Variants in OR7C1 observed in about 807,000 individuals in gnomAD.
OR7C1 encodes the protein olfactory receptor family 7 subfamily C member 1.
For missense variants in OR7C1, 324 were observed against 383.3 expected, an observed-to-expected ratio of 0.85 and a Z score of 1.29; for synonymous variants, 152 against 160.7, an observed-to-expected ratio of 0.95 and a Z score of 0.41.
chr19:14,819,701 A>G (rs971862720), intron 1 of OR7C1, among the ~76,000 whole-genome samples: 1 of 152,184 alleles, frequency 6.6e-6, no homozygotes, highest in African/African-American at 2.4e-5. Context: ...TTCTTCATGT[A>G]AGCATATTTT....
At chr19:14,804,634 A>C (rs1243021814) in intron 2 of OR7C1, among the ~76,000 whole-genome samples, 2 of 152,032 alleles carry the variant, frequency 1.3e-5, no homozygotes, top group Non-Finnish European at 2.9e-5. Context: ...AATCTCATTT[A>C]CATGAAATAG....
At chr19:14,825,992 C>T (rs1186035510) in intron 1 of OR7C1, 2 of 151,932 alleles carry the variant, frequency 1.3e-5, no homozygotes, top group African/African-American at 4.8e-5. Context: ...TTCATGATTC[C>T]CTGGATACTC....
chr19:14,807,438 A>T (rs899962611), intron 2 of OR7C1, among the ~76,000 whole-genome samples: 2 of 151,932 alleles, frequency 1.3e-5, no homozygotes, highest in Non-Finnish European at 2.9e-5. Context: ...ATTTGATGGG[A>T]ATCCTGGAAT....
intron 1 of OR7C1, among the ~76,000 whole-genome samples, chr19:14,823,862 T>C (rs575397504): frequency 6.6e-6 from 1 of 152,140 alleles, no homozygotes; most frequent in South Asian, 2.1e-4. Context: ...TATCCAGTTT[T>C]CCCAGCACCG....
At chr19:14,802,620 T>C (rs2044647373) in intron 2 of OR7C1, among the ~76,000 whole-genome samples, 1 of 152,230 alleles carries the variant, frequency 6.6e-6, no homozygotes, top group East Asian at 1.9e-4. Context: ...TCAAAGGAGA[T>C]TGTTGAAAAC....
rs34756526 is a variant in OR7C1, at chr19:14,810,372, G to GTTT, written c.-622-382_-622-380dup. ...CCCTAACCACATTCAACCAAAATGA[G>GTTT]TTTTTTTTTTTTGTTTTTTGTTTTT... On this transcript the variant is annotated intron_variant, in intron 1 of 4. Coordinates refer to ENST00000641666, the Ensembl canonical transcript of OR7C1. Among the ~76,000 whole-genome samples the GTTT allele has an allele frequency of 4.0e-3, 453 of 112,466 alleles. 15 individuals carry two copies. The highest frequency in any genetic ancestry group is 0.019 in the African/African-American group (422 of 22,104). 73.8% of individuals were successfully genotyped at this position (112,466 alleles called of 152,430 possible). A position where few individuals can be genotyped will look rare whatever the true frequency, so the allele number is the denominator to read the frequency against.
intron 1 of OR7C1, among the ~76,000 whole-genome samples, chr19:14,810,711 G>A (rs770829556): frequency 6.6e-6 from 1 of 151,794 alleles, no homozygotes; most frequent in African/African-American, 2.4e-5. Context: ...CTGCAGCTTT[G>A]TCCTGGCTTC....
chr19:14,832,607 AAT>A (rs1442000028), intron 1 of OR7C1, among the ~76,000 whole-genome samples: 1 of 150,852 alleles, frequency 6.6e-6, no homozygotes, highest in African/African-American at 2.4e-5. Flanking sequence ...TTGTATTTTT[AAT>A]AGAGTCGGGG....
intron 1 of OR7C1, among the ~76,000 whole-genome samples, chr19:14,817,611 G>C (rs900492472): frequency 2.6e-5 from 4 of 152,194 alleles, no homozygotes; most frequent in African/African-American, 9.7e-5. Flanking sequence ...CGGAAGCTGG[G>C]AATGTTTACC....
rs147832964 is a variant in OR7C1, at chr19:14,828,101, C to T, written c.-623+6973G>A. The T allele has an allele frequency of 1.6e-3, 2,572 of 1,613,934 alleles. 3 individuals are homozygous for T. Among genetic ancestry groups the T allele is most frequent in the Non-Finnish European group, 1.7e-3 (1,988 of 1,179,968 alleles). On this transcript the variant is annotated intron_variant, in intron 1 of 4. Transcript: ENST00000641666. The stretch of plus-strand genomic sequence containing the variant: ...GGAGGTGGGAGTCTGAGATTGTGGC[C>T]AGGATGATGAGCAGGTTCCCGAGCA...
intron 1 of OR7C1, among the ~76,000 whole-genome samples, chr19:14,813,158 C>A (rs1270344573): frequency 6.6e-6 from 1 of 150,830 alleles, no homozygotes; most frequent in Non-Finnish European, 1.5e-5. Flanking sequence ...ACCATATGAA[C>A]ACAGATGCAG....
chr19:14,823,720 G>A (rs2044751926), intron 1 of OR7C1, among the ~76,000 whole-genome samples: 1 of 152,086 alleles, frequency 6.6e-6, no homozygotes, highest in Non-Finnish European at 1.5e-5. Flanking sequence ...TGCAGTATTT[G>A]ACTATTTCTG....
chr19:14,827,356 C>G (rs1241725731), intron 1 of OR7C1: 6 of 1,605,010 alleles, frequency 3.7e-6, no homozygotes, highest in Non-Finnish European at 5.1e-6. Flanking sequence ...CTCTTTATGT[C>G]TTTATTCCTC....
At chr19:14,798,988 T>C (rs967027695) in exon 5 of OR7C1, 19 of 609,798 alleles carry the variant, frequency 3.1e-5, no homozygotes, top group Non-Finnish European at 4.5e-5. Flanking sequence ...GGGCTGCTTT[T>C]TGTTAACGGG....
chr19:14,798,923 A>G (rs2044624303), exon 5 of OR7C1: 1 of 357,284 alleles, frequency 2.8e-6, no homozygotes, highest in Non-Finnish European at 4.9e-6. Flanking sequence ...TTGCTTATCT[A>G]TGTCTGCAGC....
chr19:14,834,002 G>T (rs1308748893), intron 1 of OR7C1, among the ~76,000 whole-genome samples: 2 of 123,550 alleles, frequency 1.6e-5, no homozygotes, highest in Non-Finnish European at 3.6e-5. Flanking sequence ...GCACACGTCT[G>T]CAATCCTAGC....
At chr19:14,800,185 C>A in intron 4 of OR7C1, 36 bp from the exon 5 acceptor site, 1 of 1,493,184 alleles carries the variant, frequency 6.7e-7, no homozygotes, top group Non-Finnish European at 8.9e-7. Context: ...AGTCAATTAT[C>A]AACACACTGG....
At chr19:14,800,173 A>G in intron 4 of OR7C1, 24 bp from the exon 5 acceptor site, 1 of 1,510,118 alleles carries the variant, frequency 6.6e-7, no homozygotes, top group Non-Finnish European at 8.9e-7. Context: ...GAAAAAAGCA[A>G]CAGTCAATTA....
intron 1 of OR7C1, among the ~76,000 whole-genome samples, chr19:14,831,081 T>C (rs1287057658): frequency 1.3e-5 from 2 of 152,220 alleles, no homozygotes; most frequent in Admixed American, 6.5e-5. Context: ...CTTTCTCTAA[T>C]TAAATTTGCC....
Sources: allele counts gnomAD v4.1 joint callset (sites outside exome capture counted in the v4.1 genomes callset), GRCh38; gene constraint gnomAD v4.1.1; transcripts MANE v1.5; gene names NCBI Gene and HGNC (gene_info 2026-07-23, HGNC 2026-07-21).